The following FCHSD2 variants were observed in gnomAD, a reference collection of about 807,000 sequenced individuals.
The protein encoded by FCHSD2 is FCH and double SH3 domains 2, also known as F-BAR and double SH3 domains protein 2.
Under a neutral mutation model 108.1 loss-of-function variants are expected in FCHSD2, and 38 were observed. The ratio of observed to expected loss-of-function variants is 0.35; its 90% confidence interval spans 0.27 to 0.46. The LOEUF is 0.46. FCHSD2 is among the 20% of genes least tolerant of loss of function. The pLI is 1.00. For synonymous variants in FCHSD2, 279 were observed against 314.7 expected, an observed-to-expected ratio of 0.89 and a Z score of 1.20; for missense variants, 751 against 897.8, an observed-to-expected ratio of 0.84 and a Z score of 2.09.
Position 72,837,254 on chromosome 11 carries a change from A to G in FCHSD2, c.*1537T>C, listed in dbSNP as rs937734437. On this transcript the variant is annotated 3_prime_UTR_variant, in exon 20 of 20. Transcript: ENST00000409418. ...AAAAACAACAACGAAAAAAAACCCC[A>G]AATCATGGAGAAGATTCATTAATGG... 2.6e-5 allele frequency: 4 copies of G among 152,616 alleles called. No homozygotes were observed. Among genetic ancestry groups the G allele is most frequent in the Non-Finnish European group, 5.9e-5 (4 of 68,042 alleles). 9.5% of individuals were successfully genotyped at this position (152,616 alleles called of 1,614,324 possible).
At chr11:73,127,555 C>T (rs1860887424) in intron 2 of FCHSD2, among the ~76,000 whole-genome samples, 1 of 152,082 alleles carries the variant, frequency 6.6e-6, no homozygotes, top group African/African-American at 2.4e-5. Context: ...AGACTGATAC[C>T]AACAACATAG....
intron 2 of FCHSD2, among the ~76,000 whole-genome samples, chr11:73,114,908 C>T (rs1860569518): frequency 6.6e-6 from 1 of 152,068 alleles, no homozygotes. Flanking sequence ...GGCACAAGTA[C>T]TCCCTCGGAC....
At chr11:73,069,794 C>G (rs1859389440) in intron 3 of FCHSD2, among the ~76,000 whole-genome samples, 1 of 152,030 alleles carries the variant, frequency 6.6e-6, no homozygotes, top group Non-Finnish European at 1.5e-5. Context: ...CCCAGGTTAA[C>G]AAATAACAAA....
Position 73,048,082 on chromosome 11 carries a change from T to C in FCHSD2, c.166-32197A>G, listed in dbSNP as rs552876093. 8.3e-4 allele frequency among the ~76,000 whole-genome samples: 125 copies of C among 151,420 alleles called. 1 individual carries two copies. The South Asian group carries it at 0.024, about 29-fold the overall frequency. ...AAAAGGCAGGAAGTTAAAAAAAAAA[T>C]ACAGGAGGAACAAGAAAACAGAACA... On this transcript the variant is annotated intron_variant, in intron 3 of 19. Coordinates refer to ENST00000409418, the MANE Select transcript of FCHSD2 (RefSeq NM_014824.3).
intron 1 of FCHSD2, among the ~76,000 whole-genome samples, chr11:73,141,022 A>G (rs1861234177): frequency 6.6e-6 from 1 of 152,218 alleles, no homozygotes; most frequent in South Asian, 2.1e-4. Flanking sequence ...CCACGAGGGG[A>G]GGACAGAACG....
At chr11:72,995,426 G>T (rs1857501741) in intron 5 of FCHSD2, among the ~76,000 whole-genome samples, 1 of 152,090 alleles carries the variant, frequency 6.6e-6, no homozygotes, top group Admixed American at 6.6e-5. Context: ...ACTGGGCCAG[G>T]TGCGGTGGCT....
At chr11:72,933,219 C>G (rs1856230105) in intron 8 of FCHSD2, among the ~76,000 whole-genome samples, 1 of 152,170 alleles carries the variant, frequency 6.6e-6, no homozygotes, top group African/African-American at 2.4e-5. Flanking sequence ...GGTCCCTTGA[C>G]TTAAATTAGG....
At chr11:72,862,509 G>GAC (rs946625312) in intron 13 of FCHSD2, among the ~76,000 whole-genome samples, 2 of 152,142 alleles carry the variant, frequency 1.3e-5, no homozygotes, top group African/African-American at 4.8e-5. Flanking sequence ...TTATGAAATA[G>GAC]GGGTAAGTCT....
rs1371157893 is a variant in FCHSD2, at chr11:72,871,149, C to T, written c.1147-3123G>A. Among the ~76,000 whole-genome samples the T allele has an allele frequency of 3.9e-5, 6 of 152,144 alleles. No individual in the cohort carries two copies. The East Asian group carries it at 5.8e-4, about 15-fold the overall frequency. ...CACAGAACTAGTTTTAAACCCCTCC[C>T]GATCAGAAAGTAACTGCTGCTTTGC... On this transcript the variant is annotated intron_variant, in intron 12 of 19. Coordinates refer to ENST00000409418, the MANE Select transcript of FCHSD2 (RefSeq NM_014824.3).
rs764245364 is a variant in FCHSD2 at position 72,842,850 on chromosome 11, C to A, written c.1706-9G>T. On this transcript the variant is annotated splice_polypyrimidine_tract_variant and intron_variant, in intron 16 of 19. Coordinates refer to ENST00000409418, the MANE Select transcript of FCHSD2 (RefSeq NM_014824.3). ...TGCTTTCACAAAACATACTAGGGAG[C>A]AAGAGAAAAACAAATCTGGTAAGAT... 2 of 1,607,860 alleles carry A rather than the reference C, an allele frequency of 1.2e-6. No individual in the cohort carries two copies. The highest frequency in any genetic ancestry group is 3.4e-5 in the Admixed American group (2 of 59,594).
chr11:73,040,388 T>C (rs1174104699), intron 3 of FCHSD2, among the ~76,000 whole-genome samples: 1 of 152,210 alleles, frequency 6.6e-6, no homozygotes, highest in Non-Finnish European at 1.5e-5. Flanking sequence ...TTACAATACA[T>C]GTGAGATGTA....
chr11:73,095,236 T>C (rs769329852), intron 2 of FCHSD2, among the ~76,000 whole-genome samples: 20 of 152,182 alleles, frequency 1.3e-4, no homozygotes, highest in Non-Finnish European at 2.5e-4. Flanking sequence ...ACCTACCTCA[T>C]AGGTATTATG....
rs765605002 is a variant in FCHSD2, at chr11:72,902,622, T to G, written c.845A>C (p.Asn282Thr). 1 of 1,573,714 alleles carries G rather than the reference T, an allele frequency of 6.4e-7. No individual in the cohort carries two copies. Among genetic ancestry groups the G allele is most frequent in the Non-Finnish European group, 8.6e-7 (1 of 1,158,194 alleles). The change falls in exon 10 of 20, where the codon AAT becomes ACT. Residue 282 changes from asparagine (N) to threonine (T), a missense_variant. Transcript: ENST00000409418. ...GTTTTCTTGCAAAAACAGCTGAAGA[T>G]TGTAGTCCCGGACCACCTAAAGAGA... ...ENSSKVVRDYNLQLFLQENAV... is the reference protein window; with the variant it reads ...ENSSKVVRDYTLQLFLQENAV...
intron 3 of FCHSD2, among the ~76,000 whole-genome samples, chr11:73,058,467 T>C (rs1040116547): frequency 6.6e-6 from 1 of 152,182 alleles, no homozygotes; most frequent in African/African-American, 2.4e-5. Context: ...ACTACTAGTA[T>C]AACACATGAT....
At chr11:73,038,772 T>C (rs1444085260) in intron 3 of FCHSD2, among the ~76,000 whole-genome samples, 1 of 152,144 alleles carries the variant, frequency 6.6e-6, no homozygotes, top group Non-Finnish European at 1.5e-5. Context: ...GATTCATTCA[T>C]ACTCCAAACC....
chr11:73,072,495 C>T (rs1212871149), intron 3 of FCHSD2, among the ~76,000 whole-genome samples: 1 of 152,008 alleles, frequency 6.6e-6, no homozygotes, highest in African/African-American at 2.4e-5. Context: ...CAGGAGAGGA[C>T]TCCATCTGCT....
chr11:72,884,600 A>T (rs943842411), intron 12 of FCHSD2, among the ~76,000 whole-genome samples: 4 of 148,134 alleles, frequency 2.7e-5, no homozygotes, highest in African/African-American at 7.5e-5. Context: ...TATATATATA[A>T]AAGATCATAT....
chr11:73,091,884 AC>A (rs1304140869), intron 2 of FCHSD2, among the ~76,000 whole-genome samples: 1 of 152,064 alleles, frequency 6.6e-6, no homozygotes, highest in Non-Finnish European at 1.5e-5. Context: ...TACTAAAAAT[AC>A]AAAAAATTAG....
chr11:73,042,264 C>G (rs1015899147), intron 3 of FCHSD2, among the ~76,000 whole-genome samples: 1 of 152,096 alleles, frequency 6.6e-6, no homozygotes, highest in African/African-American at 2.4e-5. Flanking sequence ...AGGGGTCATT[C>G]TTCCGCATAT....
Sources: allele counts gnomAD v4.1 joint callset (sites outside exome capture counted in the v4.1 genomes callset), GRCh38; gene constraint gnomAD v4.1.1; transcripts MANE v1.5; gene names NCBI Gene and HGNC (gene_info 2026-07-23, HGNC 2026-07-21).